The following UNC45A variants were observed in gnomAD, a reference collection of about 807,000 sequenced individuals.
UNC45A encodes the protein unc-45 myosin chaperone A.
Under a neutral mutation model 103.2 loss-of-function variants are expected in UNC45A, and 78 were observed. That is an observed-to-expected ratio of 0.76 (90% CI 0.63 to 0.91). The LOEUF (loss-of-function observed/expected upper bound fraction) is 0.91. Among genes scored for constraint, UNC45A ranks in the 40% least tolerant of loss-of-function variants. UNC45A has a pLI of 0.00. For missense variants in UNC45A, 1,193 were observed against 1,224.8 expected, an observed-to-expected ratio of 0.97 and a Z score of 0.39; for synonymous variants, 495 against 504.6, an observed-to-expected ratio of 0.98 and a Z score of 0.25.
chr15:90,940,888 G>A (rs2036259177), intron 6 of UNC45A: 1 of 154,172 alleles, frequency 6.5e-6, no homozygotes, highest in Admixed American at 6.5e-5. Flanking sequence ...ACTCCAGCCT[G>A]GGTGACAGAG....
intron 4 of UNC45A, among the ~76,000 whole-genome samples, chr15:90,936,876 G>A (rs1189455629): frequency 6.6e-6 from 1 of 152,196 alleles, no homozygotes; most frequent in African/African-American, 2.4e-5. Context: ...ACATGTGTAT[G>A]TTTATTTCAG....
rs141749499 is a variant in UNC45A, at chr15:90,942,541, G to A, written c.792G>A (p.Met264Ile). 1.2e-4 allele frequency: 201 copies of A among 1,614,202 alleles called. No individual in the cohort carries two copies. In the African/African-American group the frequency reaches 2.5e-3, roughly 20 times the overall value. Reference protein sequence around the residue: ...SLAACHLLQVMFDALKEGVKK... With the variant: ...SLAACHLLQVIFDALKEGVKK... ...CTGCCTGCCACCTGCTGCAGGTTAT[G>A]TTTGATGCCCTCAAGGAAGGTGTCA... is the stretch of plus-strand genomic sequence containing the variant. Residue 264 changes from methionine to isoleucine, a missense_variant, in exon 7 of 20, where the codon ATG (methionine) becomes ATA (isoleucine). Met to Ile is a conservative substitution (Grantham distance 10). Coordinates refer to ENST00000418476, the MANE Select transcript of UNC45A (RefSeq NM_018671.5).
chr15:90,950,317 C>A (rs1453192530), intron 16 of UNC45A, 50 bp downstream of exon 16: 1 of 1,540,268 alleles, frequency 6.5e-7, no homozygotes, highest in African/African-American at 1.4e-5. Flanking sequence ...CCCTGATGGC[C>A]TGTGGGCTGG....
intron 3 of UNC45A, 33 bp downstream of exon 3, chr15:90,936,015 T>TA: frequency 6.2e-7 from 1 of 1,613,232 alleles, no homozygotes; most frequent in Non-Finnish European, 8.5e-7. Flanking sequence ...TGTGGAGCTG[T>TA]AGGGCTTCTG....
At chr15:90,944,120 C>T (rs1286725188) in intron 8 of UNC45A, among the ~76,000 whole-genome samples, 2 of 150,788 alleles carry the variant, frequency 1.3e-5, no homozygotes, top group Non-Finnish European at 2.9e-5. Flanking sequence ...GGCGTGGTGC[C>T]TCACGCCTAT....
Position 90,948,704 on chromosome 15 carries a change from C to T in UNC45A, c.1788C>T (p.Cys596=), listed in dbSNP as rs35027972. 1.1e-3 allele frequency: 1,825 copies of T among 1,613,980 alleles called. 28 individuals carry two copies. In the African/African-American group the frequency reaches 0.022, roughly 20 times the overall value. ...CGGTGGCCTCAGCGCTGGTGAACTG[C>T]ACCAACAGCTATGACTACGAGGAGC... ...LFAVASALVN[C]TNSYDYEEPD... The change falls in exon 13 of 20, where the codon TGC becomes TGT. Residue 596 remains cysteine (C), a synonymous_variant. Transcript: ENST00000418476.
intron 8 of UNC45A, among the ~76,000 whole-genome samples, chr15:90,944,318 C>T (rs188174575): frequency 6.6e-6 from 1 of 151,544 alleles, no homozygotes; most frequent in African/African-American, 2.4e-5. Context: ...ACTCAGGAGG[C>T]GGAGGCTGCA....
intron 8 of UNC45A, among the ~76,000 whole-genome samples, chr15:90,943,401 A>G (rs1481659320): frequency 1.3e-5 from 2 of 148,974 alleles, no homozygotes; most frequent in Admixed American, 6.7e-5. Context: ...TGCACTACAG[A>G]CTGGGCAACA....
chr15:90,947,380 T>C (rs1596233419), intron 10 of UNC45A: 2 of 257,328 alleles, frequency 7.8e-6, no homozygotes, highest in Non-Finnish European at 1.5e-5. Context: ...TGGAAGCTGG[T>C]CTTCCTCCCT....
Position 90,942,440 on chromosome 15 carries a change from G to A in UNC45A, c.691G>A (p.Val231Met). The change falls in exon 7 of 20, where the codon GTG becomes ATG. Residue 231 changes from valine to methionine, a missense_variant. Transcript: ENST00000418476. ...CTGTTTACCTCTCCCACCCCAGACA[G>A]TGGCAACCCTGAGCATACTGGGAAC... ...GICSEHQSRTVATLSILGTRR... is the reference protein window; with the variant it reads ...GICSEHQSRTMATLSILGTRR... 1 of 1,609,482 alleles carries A rather than the reference G, an allele frequency of 6.2e-7. No individual in the cohort carries two copies. The highest frequency in any genetic ancestry group is 8.5e-7 in the Non-Finnish European group (1 of 1,177,090).
intron 12 of UNC45A, 77 bp from the exon 13 acceptor site, chr15:90,948,577 G>C: frequency 1.9e-6 from 3 of 1,565,320 alleles, no homozygotes; most frequent in Non-Finnish European, 2.6e-6. Flanking sequence ...GGAATTGGGG[G>C]CCTGGGCCTG....
At position 90,939,823 on chromosome 15, in the gene UNC45A, G is replaced by A. The variant is rs757019107; in HGVS notation, c.519G>A (p.Lys173=). The A allele has an allele frequency of 6.2e-7, 1 of 1,613,888 alleles. No homozygotes were observed. Among genetic ancestry groups the A allele is most frequent in the Admixed American group, 1.7e-5 (1 of 60,016 alleles). The change falls in exon 5 of 20, where the codon AAG becomes AAA. Residue 173 remains lysine (K), a splice_region_variant and synonymous_variant. Coordinates refer to ENST00000418476, the MANE Select transcript of UNC45A (RefSeq NM_018671.5). ...AGAAGGGCACTGAGAAAAAGCAAAA[G>A]GTATAGGCCCTGGGCTGAGTCAGTG... is the stretch of plus-strand genomic sequence containing the variant. ...PEEKGTEKKQ[K]ASQNLVVLAR... is the part of the protein sequence containing the mutation.
At chr15:90,936,253 T>C (rs760730351) in intron 3 of UNC45A, 32 bp from the exon 4 acceptor site, 2 of 1,596,198 alleles carry the variant, frequency 1.3e-6, no homozygotes, top group Non-Finnish European at 1.7e-6. Context: ...AGTGGCCTCA[T>C]GGGTGCTGAC....
rs528948051 is a variant in UNC45A, at chr15:90,939,697, C to G, written c.427-34C>G. 4.3e-6 allele frequency: 7 copies of G among 1,610,234 alleles called. No homozygotes were observed. In the South Asian group the frequency reaches 6.6e-5, roughly 15 times the overall value. On this transcript the variant is annotated intron_variant, in intron 4 of 19. Coordinates refer to ENST00000418476, the MANE Select transcript of UNC45A (RefSeq NM_018671.5). ...GAGTGTGATGTCTCTGGCCAAGAGCCGTGATTTGTTCCATGCTTTGTTGGT... is the reference window on the plus strand; with the variant it reads ...GAGTGTGATGTCTCTGGCCAAGAGCGGTGATTTGTTCCATGCTTTGTTGGT...
chr15:90,935,085 C>G, upstream of UNC45A: 2 of 580,512 alleles, frequency 3.4e-6, no homozygotes, highest in South Asian at 4.0e-5. Context: ...GGTCCTCCGC[C>G]GCGAGCTCCC....
Position 90,948,629 on chromosome 15 carries a change from T to C in UNC45A, c.1738-25T>C, listed in dbSNP as rs569098424. On this transcript the variant is annotated intron_variant, in intron 12 of 19. Transcript: ENST00000418476. Reference sequence around the variant, plus strand: ...GTACTGCTCTGCCCCGGGATGCCCATGTGAATTCCTCTGTGTCCTGGCAGT... The same window carrying C: ...GTACTGCTCTGCCCCGGGATGCCCACGTGAATTCCTCTGTGTCCTGGCAGT... The C allele has an allele frequency of 2.6e-5, 42 of 1,611,064 alleles. No homozygotes were observed. In the African/African-American group the frequency reaches 2.9e-4, roughly 11 times the overall value.
chr15:90,941,310 CCTG>C (rs1343479260), intron 6 of UNC45A, among the ~76,000 whole-genome samples: 1 of 152,188 alleles, frequency 6.6e-6, no homozygotes, highest in Non-Finnish European at 1.5e-5. Flanking sequence ...CAATAACAGT[CCTG>C]CTCCTGGGCC....
chr15:90,942,352 C>T (rs12907667), intron 6 of UNC45A, 85 bp from the exon 7 acceptor site: 105,552 of 1,476,650 alleles, frequency 0.071, 4,487 homozygotes, highest in South Asian at 0.16. Flanking sequence ...TCCTTCTGGC[C>T]GTATCCTCTA....
At chr15:90,945,106 G>T in intron 9 of UNC45A, 43 bp downstream of exon 9, 1 of 1,599,850 alleles carries the variant, frequency 6.3e-7, no homozygotes, top group Non-Finnish European at 8.5e-7. Flanking sequence ...GGATTCTAGC[G>T]AAAAAGTTCT....
Sources: gnomAD v4.1 joint callset for allele counts (sites outside exome capture counted in the v4.1 genomes callset) on GRCh38, gnomAD v4.1.1 for gene constraint, MANE v1.5 for transcripts, NCBI Gene and HGNC (gene_info 2026-07-23, HGNC 2026-07-21) for gene names.